Variants in PTPRU observed in about 807,000 individuals in gnomAD.
PTPRU encodes the protein receptor-type tyrosine-protein phosphatase U.
In PTPRU, 69 loss-of-function variants were observed where a neutral mutation model predicts 166.3. That is an observed-to-expected ratio of 0.41 (90% CI 0.34 to 0.51). The LOEUF is 0.51. Among genes scored for constraint, PTPRU ranks in the 20% least tolerant of loss-of-function variants. The pLI, the probability that PTPRU is intolerant of heterozygous loss-of-function variation, is 0.09. For synonymous variants in PTPRU, 793 were observed against 814.0 expected, an observed-to-expected ratio of 0.97 and a Z score of 0.44; for missense variants, 1,657 against 2,013.7, an observed-to-expected ratio of 0.82 and a Z score of 3.39.
At chr1:29,325,141 A>G (rs1447797508) in intron 28 of PTPRU, 50 bp from the exon 29 acceptor site, 1 of 1,603,512 alleles carries the variant, frequency 6.2e-7, no homozygotes, top group Non-Finnish European at 8.5e-7. Context: ...CCCTTTTCTT[A>G]CCTTCAGGTT....
chr1:29,269,307 C>T (rs1454480417), intron 7 of PTPRU, among the ~76,000 whole-genome samples: 5 of 112,450 alleles, frequency 4.4e-5, no homozygotes, highest in African/African-American at 1.7e-4. Flanking sequence ...GTTGCTCAGG[C>T]TGATCTTAAA....
chr1:29,282,041 C>T (rs1686102704), intron 11 of PTPRU, among the ~76,000 whole-genome samples: 1 of 152,216 alleles, frequency 6.6e-6, no homozygotes, highest in Non-Finnish European at 1.5e-5. Flanking sequence ...AACAGCAGGG[C>T]TCCGATTTGC....
At chr1:29,274,718 C>T (rs534776903) in intron 7 of PTPRU, among the ~76,000 whole-genome samples, 4 of 152,040 alleles carry the variant, frequency 2.6e-5, no homozygotes, top group African/African-American at 9.6e-5. Flanking sequence ...TGTTGTAGTC[C>T]AGGGTGATCT....
chr1:29,292,563 C>T (rs1457921349), intron 15 of PTPRU, among the ~76,000 whole-genome samples: 1 of 152,184 alleles, frequency 6.6e-6, no homozygotes, highest in East Asian at 1.9e-4. Context: ...TGCTTGTATT[C>T]ACAGAATATA....
In PTPRU at chr1:29,312,726, C is replaced by G. The variant is rs368301126; in HGVS notation, c.3227+20C>G. ...CTGCAGGTGGGGGCACCGGGAATCC[C>G]AAGGAGAAAAGGGGCCCTTCTCCCT... On this transcript the variant is annotated intron_variant, in intron 22 of 29. Coordinates refer to ENST00000373779, the MANE Select transcript of PTPRU (RefSeq NM_133178.4). 9.9e-5 allele frequency: 158 copies of G among 1,590,726 alleles called. 2 individuals carry two copies. The African/African-American group carries it at 1.8e-3, about 18-fold the overall frequency.
chr1:29,312,647 C>T lies in PTPRU; in HGVS notation c.3168C>T (p.Phe1056=). Residue 1056 remains phenylalanine, a synonymous_variant, in exon 22 of 30, where the codon TTC becomes TTT. Transcript: ENST00000373779. The part of the protein sequence containing the change: ...VPYHATGLLA[F]IRRVKASTPP... ...ACCATGCCACGGGGCTGCTGGCTTT[C>T]ATCCGGCGCGTGAAGGCCTCCACCC... The T allele has an allele frequency of 6.2e-7, 1 of 1,612,082 alleles. No individual in the cohort carries two copies.
At chr1:29,290,324 G>A (rs1345958361) in intron 14 of PTPRU, among the ~76,000 whole-genome samples, 1 of 152,200 alleles carries the variant, frequency 6.6e-6, no homozygotes, top group East Asian at 1.9e-4. Flanking sequence ...TGAGAAATAG[G>A]AGCTTTTATC....
chr1:29,262,501 A>G (rs1243735457), intron 7 of PTPRU, among the ~76,000 whole-genome samples: 1 of 152,234 alleles, frequency 6.6e-6, no homozygotes, highest in Non-Finnish European at 1.5e-5. Context: ...CCACATTTGT[A>G]TAACTTTTAT....
In PTPRU at chr1:29,315,379, A is replaced by T; in HGVS notation, c.3235A>T (p.Thr1079Ser). ...GPIVIHCSAG[T>S]GRTGCYIVLD... The stretch of plus-strand genomic sequence containing the variant: ...GGGCTGCTCTCTCTCCAGCGCGGGC[A>T]CCGGCCGCACAGGTTGCTATATCGT... Residue 1079 changes from threonine to serine, a missense_variant, in exon 23 of 30, where the codon ACC (threonine) becomes TCC (serine). Transcript: ENST00000373779. This position sits in a 1 kb window ranked among gnomAD's most constrained non-coding sequence, Gnocchi z 4.5. The T allele has an allele frequency of 6.2e-7, 1 of 1,614,124 alleles. No homozygotes were observed. Among genetic ancestry groups the T allele is most frequent in the Non-Finnish European group, 8.5e-7 (1 of 1,180,030 alleles).
chr1:29,261,091 T>G (rs968586684), intron 7 of PTPRU, among the ~76,000 whole-genome samples, 188 bp downstream of exon 7: 1 of 152,262 alleles, frequency 6.6e-6, no homozygotes, highest in Admixed American at 6.5e-5. Context: ...TAAACATATC[T>G]GTGTGTAGAC....
intron 7 of PTPRU, among the ~76,000 whole-genome samples, chr1:29,273,124 C>G (rs1283363946): frequency 6.6e-6 from 1 of 152,078 alleles, no homozygotes. Context: ...TTGATGCAGT[C>G]TTGGTGTCTT....
At chr1:29,298,180 C>T (rs1250171461) in intron 15 of PTPRU, among the ~76,000 whole-genome samples, 2 of 151,866 alleles carry the variant, frequency 1.3e-5, no homozygotes, top group Non-Finnish European at 2.9e-5. Flanking sequence ...ATTGCTTGAA[C>T]CTGGGAGGCA....
chr1:29,259,961 G>A lies in PTPRU; in HGVS notation c.767G>A (p.Arg256His), dbSNP rs1406832445. ...LATFPLAAVS[R>H]AEQDLYRCVS... ...ACTTTCCCGCTGGCTGCCGTGAGCC[G>A]CGCCGAGCAGGACCTGTACCGCTGT... Residue 256 changes from arginine to histidine, a missense_variant, in exon 6 of 30, where the codon CGC becomes CAC. Arg to His is a conservative substitution (Grantham distance 29). Coordinates refer to ENST00000373779, the MANE Select transcript of PTPRU (RefSeq NM_133178.4). 2 of 1,544,696 alleles carry A rather than the reference G, an allele frequency of 1.3e-6. No homozygotes were observed. Among genetic ancestry groups the A allele is most frequent in the Non-Finnish European group, 8.7e-7 (1 of 1,152,226 alleles).
intron 25 of PTPRU, among the ~76,000 whole-genome samples, chr1:29,318,764 A>C (rs1688015022): frequency 6.6e-6 from 1 of 152,184 alleles, no homozygotes; most frequent in African/African-American, 2.4e-5. Context: ...TTGAGTGCAC[A>C]CTTTCCAAGG....
At position 29,257,565 on chromosome 1, in the gene PTPRU, G is replaced by C. The variant is rs1684828962; in HGVS notation, c.206-940G>C. Among the ~76,000 whole-genome samples the C allele has an allele frequency of 6.6e-6, 1 of 152,226 alleles. No homozygotes were observed. The highest frequency in any genetic ancestry group is 1.5e-5 in the Non-Finnish European group (1 of 68,040). ...TCTACTCCACCAGTACCCAGCCTGG[G>C]TCTCTGGGGAAGGGACAGGCTGCCT... On this transcript the variant is annotated intron_variant, in intron 2 of 29. Transcript: ENST00000373779. This position sits in a 1 kb window ranked among gnomAD's most constrained non-coding sequence, Gnocchi z 4.6.
In PTPRU at chr1:29,260,769, T is replaced by A. The variant is rs781729728; in HGVS notation, c.1010T>A (p.Val337Asp). 1.2e-6 allele frequency: 2 copies of A among 1,613,372 alleles called. No homozygotes were observed. The highest frequency in any genetic ancestry group is 1.7e-6 in the Non-Finnish European group (2 of 1,179,696). The change falls in exon 7 of 30, where the codon GTC (valine) becomes GAC (aspartate). Residue 337 changes from valine (V) to aspartate (D), a missense_variant. Around this residue, in one of 3 missense-constraint regions of PTPRU, gnomAD observed 453 missense variants for 496.9 expected, o/e 0.91. Transcript: ENST00000373779. This position sits in a 1 kb window ranked among gnomAD's most constrained non-coding sequence, Gnocchi z 8.3. ...GGGCCCTGGGCTGAGGTGCACGCCGTCAGCCTGCAGACCTACAAGCTGTGG... is the reference window on the plus strand; with the variant it reads ...GGGCCCTGGGCTGAGGTGCACGCCGACAGCCTGCAGACCTACAAGCTGTGG... ...ARGPWAEVHAVSLQTYKLWHL... is the reference protein window; with the variant it reads ...ARGPWAEVHADSLQTYKLWHL...
chr1:29,260,504 G>C lies in PTPRU; in HGVS notation c.851-106G>C. The C allele has an allele frequency of 1.2e-6, 1 of 865,284 alleles. No homozygotes were observed. Among genetic ancestry groups the C allele is most frequent in the South Asian group, 2.0e-5 (1 of 49,714 alleles). 53.6% of individuals were successfully genotyped at this position (865,284 alleles called of 1,614,324 possible). ...TGAGGGCTTGGTAGCAGCGTGAGAGGCCCTAGGAGGACGGAGAGGGATTTG... is the reference window on the plus strand; with the variant it reads ...TGAGGGCTTGGTAGCAGCGTGAGAGCCCCTAGGAGGACGGAGAGGGATTTG... On this transcript the variant is annotated intron_variant, in intron 6 of 29. Transcript: ENST00000373779. This position sits in a 1 kb window ranked among gnomAD's most constrained non-coding sequence, Gnocchi z 8.3.
rs1385949529 is a variant in PTPRU, at chr1:29,271,800, C to G, written c.1145-3648C>G. ...CCCCGTTTACATGGAACTTCTCCTG[C>G]CCTTCTGTAAATGCTGCAGGAGGAC... On this transcript the variant is annotated intron_variant, in intron 7 of 29. Transcript: ENST00000373779. This position sits in a 1 kb window ranked among gnomAD's most constrained non-coding sequence, Gnocchi z 4.4. Among the ~76,000 whole-genome samples, 1 of 152,180 alleles carries G rather than the reference C, an allele frequency of 6.6e-6. No homozygotes were observed. Among genetic ancestry groups the G allele is most frequent in the Non-Finnish European group, 1.5e-5 (1 of 68,048 alleles).
intron 7 of PTPRU, among the ~76,000 whole-genome samples, chr1:29,265,287 G>T (rs1418081503): frequency 6.6e-6 from 1 of 152,104 alleles, no homozygotes; most frequent in Non-Finnish European, 1.5e-5. Context: ...TGGACTTCCT[G>T]AGAGGTGTGT....
Sources: allele counts gnomAD v4.1 joint callset (sites outside exome capture counted in the v4.1 genomes callset), GRCh38; gene constraint gnomAD v4.1.1; regional missense constraint gnomAD v4.1.1; non-coding constraint Gnocchi (gnomAD v3.1); transcripts MANE v1.5; gene names NCBI Gene and HGNC (gene_info 2026-07-23, HGNC 2026-07-21).